The following RASA3 variants were observed in gnomAD, a reference collection of about 807,000 sequenced individuals.
RASA3 encodes RAS p21 protein activator 3, also known as ras GTPase-activating protein 3.
Under a neutral mutation model 110.0 loss-of-function variants are expected in RASA3, and 73 were observed. That is an observed-to-expected ratio of 0.66 (90% CI 0.55 to 0.81). RASA3 has a LOEUF of 0.81. Ranked by LOEUF, RASA3 falls within the 30% of genes least tolerant of loss-of-function variation. The pLI is 0.00. For synonymous variants in RASA3, 500 were observed against 451.4 expected (o/e 1.11, Z -1.37); for missense variants, 976 against 1,113.2 (o/e 0.88, Z 1.75).
At chr13:114,071,053 A>G (rs1321606798) in intron 2 of RASA3, among the ~76,000 whole-genome samples, 1 of 152,238 alleles carries the variant, frequency 6.6e-6, no homozygotes, top group Non-Finnish European at 1.5e-5. Context: ...ACGGTGCCAC[A>G]GTTTTACTCT....
intron 1 of RASA3, among the ~76,000 whole-genome samples, chr13:114,125,312 G>A (rs2080430630): frequency 6.6e-6 from 1 of 152,162 alleles, no homozygotes; most frequent in Non-Finnish European, 1.5e-5. Context: ...GAGGTTTATT[G>A]GTCACGGTGC....
In RASA3 at chr13:114,096,019, G is replaced by A. The variant is rs1390844550; in HGVS notation, c.56-22182C>T. On this transcript the variant is annotated intron_variant, in intron 1 of 23. Coordinates refer to ENST00000334062, the MANE Select transcript of RASA3 (RefSeq NM_007368.4). The surrounding 1 kb of genome is among the most constrained non-coding windows in gnomAD (Gnocchi z 5.1). ...ACGTTAATTTTTCACACAACGACTG[G>A]GAAAATCTGCCTACAGGAAGATGCC... is the stretch of plus-strand genomic sequence containing the variant. Among the ~76,000 whole-genome samples the A allele has an allele frequency of 6.6e-6, 1 of 152,208 alleles. No homozygotes were observed. Among genetic ancestry groups the A allele is most frequent in the Non-Finnish European group, 1.5e-5 (1 of 68,040 alleles).
chr13:114,072,740 A>C (rs2079592639), intron 2 of RASA3, among the ~76,000 whole-genome samples: 1 of 152,228 alleles, frequency 6.6e-6, no homozygotes, highest in Non-Finnish European at 1.5e-5. Flanking sequence ...CCCAGGGAGC[A>C]TCTCCTCCTC....
At chr13:114,064,943 G>A (rs1179480997) in intron 2 of RASA3, among the ~76,000 whole-genome samples, 3 of 152,254 alleles carry the variant, frequency 2.0e-5, no homozygotes, top group East Asian at 1.9e-4. Flanking sequence ...ATTAACGCAC[G>A]CAGCAGCCTC....
At chr13:114,089,820 C>G (rs2079869085) in intron 1 of RASA3, among the ~76,000 whole-genome samples, 1 of 151,214 alleles carries the variant, frequency 6.6e-6, no homozygotes, top group South Asian at 2.1e-4. Context: ...CCTCCTCCCC[C>G]AGCCCCCGGC....
chr13:114,075,053 AG>A (rs1302719907), intron 1 of RASA3, among the ~76,000 whole-genome samples: 1 of 152,204 alleles, frequency 6.6e-6, no homozygotes, highest in Non-Finnish European at 1.5e-5. Context: ...GACGCCTGGC[AG>A]TGGCGTCTCC....
At chr13:113,996,487 T>C (rs772058754) in intron 21 of RASA3, 44 bp downstream of exon 21, 4 of 1,573,466 alleles carry the variant, frequency 2.5e-6, no homozygotes, top group Non-Finnish European at 1.7e-6. Flanking sequence ...CTTGGCCACA[T>C]TTCCTGCACA....
chr13:113,982,636 C>T (rs1192670009), intron 22 of RASA3, among the ~76,000 whole-genome samples: 1 of 152,258 alleles, frequency 6.6e-6, no homozygotes, highest in African/African-American at 2.4e-5. Flanking sequence ...GAGCCAGCAC[C>T]GATGCCCTGC....
Position 113,979,094 on chromosome 13 carries a change from C to G in RASA3, c.*253G>C. The G allele has an allele frequency of 1.9e-6, 1 of 520,040 alleles. No individual in the cohort carries two copies. The highest frequency in any genetic ancestry group is 2.2e-5 in the South Asian group (1 of 45,818). 32.2% of individuals were successfully genotyped at this position (520,040 alleles called of 1,614,324 possible). A position where few individuals can be genotyped will look rare whatever the true frequency, so the allele number is the denominator to read the frequency against. On this transcript the variant is annotated 3_prime_UTR_variant, in exon 24 of 24. Coordinates refer to ENST00000334062, the MANE Select transcript of RASA3 (RefSeq NM_007368.4). Reference sequence around the variant, plus strand: ...TGATCCTTCAGCTGATCCCCAGATCCCCACAAACAAGGAGCAAAAAGCACA... The same window carrying G: ...TGATCCTTCAGCTGATCCCCAGATCGCCACAAACAAGGAGCAAAAAGCACA...
In RASA3 at chr13:113,991,175, GTGCGGA is replaced by G. The variant is rs1213958478; in HGVS notation, c.2245+1304_2245+1309del. 2.1e-3 allele frequency among the ~76,000 whole-genome samples: 141 copies of G among 67,366 alleles called. 38 individuals are homozygous for G. Among genetic ancestry groups the G allele is most frequent in the African/African-American group, 5.9e-3 (56 of 9,502 alleles). 44.2% of individuals were successfully genotyped at this position (67,366 alleles called of 152,430 possible). On this transcript the variant is annotated intron_variant, in intron 22 of 23. Coordinates refer to ENST00000334062, the MANE Select transcript of RASA3 (RefSeq NM_007368.4). ...TGGCCAAGCTCACAGATGGGCAGCT[GTGCGGA>G]CACCCAGGGCATGCGGGGCTGGAGA...
chr13:114,002,212 C>A (rs1177409570), intron 18 of RASA3, among the ~76,000 whole-genome samples: 1 of 152,224 alleles, frequency 6.6e-6, no homozygotes, highest in Non-Finnish European at 1.5e-5. Flanking sequence ...CGCACCTCGA[C>A]AAGCGCACTC....
intron 22 of RASA3, among the ~76,000 whole-genome samples, chr13:113,984,756 T>C (rs1206104801): frequency 4.4e-3 from 138 of 31,112 alleles, no homozygotes; most frequent in East Asian, 8.9e-3. Context: ...ATCCACCCAT[T>C]ACTCACCCAT....
intron 22 of RASA3, among the ~76,000 whole-genome samples, chr13:113,983,914 G>C (rs1260305502): frequency 8.0e-6 from 1 of 124,866 alleles, no homozygotes; most frequent in Admixed American, 8.7e-5. Flanking sequence ...TGAGTCCATG[G>C]ACCATGTATC....
At chr13:114,075,247 C>T (rs1040449134) in intron 1 of RASA3, among the ~76,000 whole-genome samples, 1 of 152,192 alleles carries the variant, frequency 6.6e-6, no homozygotes, top group Admixed American at 6.5e-5. Flanking sequence ...GAATGTTTCG[C>T]GTCAACTCAG....
At chr13:114,099,581 C>T (rs982273428) in intron 1 of RASA3, among the ~76,000 whole-genome samples, 3 of 150,806 alleles carry the variant, frequency 2.0e-5, no homozygotes, top group Non-Finnish European at 4.4e-5. Context: ...TTAAAACTGG[C>T]CCAAATGCAG....
chr13:114,125,136 G>A (rs1417867456), intron 1 of RASA3, among the ~76,000 whole-genome samples: 1 of 152,176 alleles, frequency 6.6e-6, no homozygotes. Flanking sequence ...GGAACTTCCT[G>A]CGAGTCATGT....
intron 1 of RASA3, among the ~76,000 whole-genome samples, chr13:114,092,440 A>C (rs779158971): frequency 5.3e-5 from 8 of 152,132 alleles, no homozygotes; most frequent in Non-Finnish European, 7.3e-5. Context: ...ATTCGGGAGC[A>C]TGTTGTTTAA....
rs529630185 is a variant in RASA3 at position 114,056,818 on chromosome 13, C to T, written c.174-4663G>A. On this transcript the variant is annotated intron_variant, in intron 2 of 23. Coordinates refer to ENST00000334062, the MANE Select transcript of RASA3 (RefSeq NM_007368.4). This position sits in a 1 kb window ranked among gnomAD's most constrained non-coding sequence, Gnocchi z 5.7. ...ACGTGCCCCTTTCTAAATGTAAAAG[C>T]GGTTTATAGCAACACAGCATGGCCC... is the stretch of plus-strand genomic sequence containing the variant. The T allele has an allele frequency of 4.4e-5, 19 of 427,900 alleles. No individual in the cohort carries two copies. The highest frequency in any genetic ancestry group is 5.0e-5 in the Non-Finnish European group (16 of 320,206). 26.5% of individuals were successfully genotyped at this position (427,900 alleles called of 1,614,324 possible).
intron 1 of RASA3, among the ~76,000 whole-genome samples, chr13:114,111,798 ATGTCAAACCTCCATC>A (rs1445324893): frequency 6.6e-6 from 1 of 152,258 alleles, no homozygotes; most frequent in Non-Finnish European, 1.5e-5. Context: ...AAAGCAGAGT[ATGTCAAACCTCCATC>A]TGTGGTCAGG....
Sources: allele counts gnomAD v4.1 joint callset (sites outside exome capture counted in the v4.1 genomes callset), GRCh38; gene constraint gnomAD v4.1.1; non-coding constraint Gnocchi (gnomAD v3.1); transcripts MANE v1.5; gene names NCBI Gene and HGNC (gene_info 2026-07-23, HGNC 2026-07-21).